The following GPX8 variants were observed in gnomAD, a reference collection of about 807,000 sequenced individuals.
GPX8 encodes protein peroxidase GPX8.
Under a neutral mutation model 17.8 loss-of-function variants are expected in GPX8, and 12 were observed. The ratio of observed to expected loss-of-function variants is 0.67; its 90% CI spans 0.43 to 1.09. The LOEUF is 1.09. GPX8 is among the 50% of genes least tolerant of loss of function. The pLI, the probability that GPX8 is intolerant of heterozygous loss-of-function variation, is 0.00. For missense variants in GPX8, 209 were observed against 235.6 expected, an observed-to-expected ratio of 0.89 and a Z score of 0.74; for synonymous variants, 86 against 88.1, an observed-to-expected ratio of 0.98 and a Z score of 0.14.
intron 2 of GPX8, among the ~76,000 whole-genome samples, chr5:55,162,090 C>CAAA (rs34286995): frequency 3.3e-5 from 3 of 90,714 alleles, no homozygotes; most frequent in Admixed American, 1.2e-4. Flanking sequence ...CCATATTAGT[C>CAAA]AAAAAAAAAA....
chr5:55,162,134 G>C (rs1237158841), intron 2 of GPX8, among the ~76,000 whole-genome samples: 1 of 143,642 alleles, frequency 7.0e-6, no homozygotes, highest in Non-Finnish European at 1.5e-5. Flanking sequence ...GGTGGCTCAC[G>C]CCTGTAATCC....
At position 55,162,825 on chromosome 5, in the gene GPX8, G is replaced by T. The variant is rs546166068; in HGVS notation, c.467-1230G>T. Among the ~76,000 whole-genome samples the T allele has an allele frequency of 1.6e-4, 24 of 152,344 alleles. No individual in the cohort carries two copies. The South Asian group carries it at 4.8e-3, about 30-fold the overall frequency. On this transcript the variant is annotated intron_variant, in intron 2 of 2. Coordinates refer to ENST00000503787, the MANE Select transcript of GPX8 (RefSeq NM_001008397.4). ...CCTTCTAAAACCCTTCTTAGCCTGT[G>T]TAATCAAAAAGGTAACAGTGAGTTA...
chr5:55,161,578 T>C (rs1580369355), intron 2 of GPX8, among the ~76,000 whole-genome samples: 1 of 152,358 alleles, frequency 6.6e-6, no homozygotes, highest in South Asian at 2.1e-4. Context: ...AACTAGCATC[T>C]GGAGAAATGT....
chr5:55,167,036 C>T lies in GPX8; in HGVS notation c.*2818C>T, dbSNP rs1262449269. 1 of 151,804 alleles carries T rather than the reference C, an allele frequency of 6.6e-6. No individual in the cohort carries two copies. Among genetic ancestry groups the T allele is most frequent in the Non-Finnish European group, 1.5e-5 (1 of 67,976 alleles). The allele number at this position is 151,804 out of a possible 1,614,324, so 9.4% of individuals were successfully genotyped here. A position where few individuals can be genotyped will look rare whatever the true frequency, so the allele number is the denominator to read the frequency against. On this transcript the variant is annotated 3_prime_UTR_variant, in exon 3 of 3. Transcript: ENST00000503787. The stretch of plus-strand genomic sequence containing the variant: ...CAGAGCGAGACCCCATCTTAAAGAC[C>T]CTGTCTCAAAAAAGAGAGAAAAAGA...
rs1020142093 is a variant in GPX8 at position 55,164,940 on chromosome 5, T to A, written c.*722T>A. 6.6e-6 allele frequency: 1 copy of A among 152,198 alleles called. No homozygotes were observed. Among genetic ancestry groups the A allele is most frequent in the African/African-American group, 2.4e-5 (1 of 41,456 alleles). 9.4% of individuals were successfully genotyped at this position (152,198 alleles called of 1,614,324 possible). A position where few individuals can be genotyped will look rare whatever the true frequency, so the allele number is the denominator to read the frequency against. On this transcript the variant is annotated 3_prime_UTR_variant, in exon 3 of 3. Transcript: ENST00000503787. ...ATTTTCAGTATTTCTCTCTGCATTA[T>A]TTTTTAGAAGCAACTCAAATTCTGT...
At chr5:55,160,769 T>C (rs1397672287) in intron 1 of GPX8, 1 of 500,970 alleles carries the variant, frequency 2.0e-6, no homozygotes, top group Non-Finnish European at 3.4e-6. Flanking sequence ...AAAAATAAAC[T>C]TTCATGAGTA....
At chr5:55,162,203 C>T (rs1410754781) in intron 2 of GPX8, among the ~76,000 whole-genome samples, 1 of 151,864 alleles carries the variant, frequency 6.6e-6, no homozygotes, top group Non-Finnish European at 1.5e-5. Context: ...AGAGACTAGC[C>T]TGGCCAATAT....
intron 2 of GPX8, among the ~76,000 whole-genome samples, chr5:55,162,926 G>T (rs933366223): frequency 6.6e-6 from 1 of 152,138 alleles, no homozygotes; most frequent in Non-Finnish European, 1.5e-5. Flanking sequence ...TAAAAGGCCC[G>T]TATATCAATC....
Position 55,164,366 on chromosome 5 carries a change from C to A in GPX8, c.*148C>A. 1 of 436,996 alleles carries A rather than the reference C, an allele frequency of 2.3e-6. No individual in the cohort carries two copies. Among genetic ancestry groups the A allele is most frequent in the African/African-American group, 2.0e-5 (1 of 49,328 alleles). 27.1% of individuals were successfully genotyped at this position (436,996 alleles called of 1,614,324 possible). A position where few individuals can be genotyped will look rare whatever the true frequency, so the allele number is the denominator to read the frequency against. On this transcript the variant is annotated 3_prime_UTR_variant, in exon 3 of 3. Transcript: ENST00000503787. ...GTTCTCAGCTCATTGCAACCTCTGC[C>A]TTTTTAAACATGCTATTAAATGTGG...
chr5:55,161,019 G>A lies in GPX8; in HGVS notation c.230G>A (p.Ser77Asn). 1 of 1,613,696 alleles carries A rather than the reference G, an allele frequency of 6.2e-7. No individual in the cohort carries two copies. Among genetic ancestry groups the A allele is most frequent in the East Asian group, 2.2e-5 (1 of 44,852 alleles). The change falls in exon 2 of 3, where the codon AGT becomes AAT. Residue 77 changes from serine (S) to asparagine (N), a missense_variant. Coordinates refer to ENST00000503787, the MANE Select transcript of GPX8 (RefSeq NM_001008397.4). ...GTTTCACTAGTTGTAAACGTGGCCAGTGACTGCCAACTCACAGACAGAAAT... is the reference window on the plus strand; with the variant it reads ...GTTTCACTAGTTGTAAACGTGGCCAATGACTGCCAACTCACAGACAGAAAT... ...GKVSLVVNVA[S>N]DCQLTDRNYL...
In GPX8 at chr5:55,164,612, T is replaced by A. The variant is rs1485677872; in HGVS notation, c.*394T>A. The A allele has an allele frequency of 1.3e-5, 2 of 153,526 alleles. No individual in the cohort carries two copies. The highest frequency in any genetic ancestry group is 1.9e-4 in the East Asian group (1 of 5,224). The allele number at this position is 153,526 out of a possible 1,614,324, so 9.5% of individuals were successfully genotyped here. A position where few individuals can be genotyped will look rare whatever the true frequency, so the allele number is the denominator to read the frequency against. ...TGACATTTTCTAGGACTGTACTTGA[T>A]GAAAATGCCAACACACTAGACCACT... On this transcript the variant is annotated 3_prime_UTR_variant, in exon 3 of 3. Coordinates refer to ENST00000503787, the MANE Select transcript of GPX8 (RefSeq NM_001008397.4).
rs1244561632 is a variant in GPX8 at position 55,164,677 on chromosome 5, G to T, written c.*459G>T. 6.6e-6 allele frequency: 1 copy of T among 152,248 alleles called. No homozygotes were observed. The highest frequency in any genetic ancestry group is 1.9e-4 in the East Asian group (1 of 5,206). The allele number at this position is 152,248 out of a possible 1,614,324, so 9.4% of individuals were successfully genotyped here. ...GCACTGTGTATGACTGAAATTTCTG[G>T]AATAACTGTAAATGGTTATGTTAAT... On this transcript the variant is annotated 3_prime_UTR_variant, in exon 3 of 3. Coordinates refer to ENST00000503787, the MANE Select transcript of GPX8 (RefSeq NM_001008397.4).
In GPX8 at chr5:55,164,476, T is replaced by A; in HGVS notation, c.*258T>A. ...ATGAGGATGTTACCCAAAGCAAAAA[T>A]CAAGAGTAGCCAAAGAATCAACATG... On this transcript the variant is annotated 3_prime_UTR_variant, in exon 3 of 3. Transcript: ENST00000503787. The A allele has an allele frequency of 4.0e-6, 1 of 249,946 alleles. No individual in the cohort carries two copies. The highest frequency in any genetic ancestry group is 7.5e-6 in the Non-Finnish European group (1 of 132,556). The allele number at this position is 249,946 out of a possible 1,614,324, so 15.5% of individuals were successfully genotyped here.
rs1390806470 is a variant in GPX8 at position 55,166,686 on chromosome 5, G to A, written c.*2468G>A. On this transcript the variant is annotated 3_prime_UTR_variant, in exon 3 of 3. Transcript: ENST00000503787. ...TCTTGTTTCTGCATCAAAAAGTCTG[G>A]GACACAGAGTGCTACAGGATGCCTG... The A allele has an allele frequency of 6.6e-6, 1 of 152,158 alleles. No individual in the cohort carries two copies. The highest frequency in any genetic ancestry group is 2.4e-5 in the African/African-American group (1 of 41,420). The allele number at this position is 152,158 out of a possible 1,614,324, so 9.4% of individuals were successfully genotyped here. A position where few individuals can be genotyped will look rare whatever the true frequency, so the allele number is the denominator to read the frequency against.
At chr5:55,162,373 C>A (rs141419363) in intron 2 of GPX8, among the ~76,000 whole-genome samples, 1 of 152,086 alleles carries the variant, frequency 6.6e-6, no homozygotes, top group Non-Finnish European at 1.5e-5. Context: ...CCAGCCTGGG[C>A]GACAGAGCAA....
Position 55,167,169 on chromosome 5 carries a change from A to T in GPX8, c.*2951A>T, listed in dbSNP as rs768057268. ...TTTAACTGTGGTAACTAATTCACTG[A>T]CTTGAAGTTTGCTTTGTTTGTTTTC... On this transcript the variant is annotated 3_prime_UTR_variant, in exon 3 of 3. Transcript: ENST00000503787. The T allele has an allele frequency of 6.6e-6, 1 of 152,202 alleles. No homozygotes were observed. Among genetic ancestry groups the T allele is most frequent in the Non-Finnish European group, 1.5e-5 (1 of 68,044 alleles). The allele number at this position is 152,202 out of a possible 1,614,324, so 9.4% of individuals were successfully genotyped here.
At chr5:55,163,177 T>C (rs1307211281) in intron 2 of GPX8, among the ~76,000 whole-genome samples, 1 of 152,102 alleles carries the variant, frequency 6.6e-6, no homozygotes, top group Admixed American at 6.6e-5. Flanking sequence ...TCTTGAGTGG[T>C]ATAAATAGAA....
At chr5:55,162,169 G>A (rs1312006888) in intron 2 of GPX8, among the ~76,000 whole-genome samples, 1 of 151,292 alleles carries the variant, frequency 6.6e-6, no homozygotes, top group Non-Finnish European at 1.5e-5. Context: ...GCCGAGGCAG[G>A]CAGATCACTT....
At chr5:55,162,731 T>A (rs1254847999) in intron 2 of GPX8, among the ~76,000 whole-genome samples, 1 of 152,258 alleles carries the variant, frequency 6.6e-6, no homozygotes, top group Non-Finnish European at 1.5e-5. Flanking sequence ...GAACTAATCA[T>A]TCTTCAGTTA....
Sources: allele counts gnomAD v4.1 joint callset (sites outside exome capture counted in the v4.1 genomes callset), GRCh38; gene constraint gnomAD v4.1.1; transcripts MANE v1.5; gene names NCBI Gene and HGNC (gene_info 2026-07-23, HGNC 2026-07-21).